Variants in RNF213 observed in about 807,000 individuals in gnomAD.
RNF213 encodes the protein E3 ubiquitin-protein ligase RNF213.
In RNF213, 341 loss-of-function variants were observed where a neutral mutation model predicts 514.4. That is an observed-to-expected ratio of 0.66 (90% CI 0.61 to 0.73). RNF213 has a LOEUF of 0.73. Ranked by LOEUF, RNF213 falls within the 30% of genes least tolerant of loss-of-function variation. The probability of loss-of-function intolerance (pLI) is 0.00; values close to 1 mark genes in which losing one functional copy is unlikely to be tolerated. For synonymous variants in RNF213, 2,655 were observed against 2,658.2 expected (o/e 1.00, Z 0.04); for missense variants, 5,767 against 6,615.6 (o/e 0.87, Z 4.45).
chr17:80,322,502 T>A (rs1335280677), intron 17 of RNF213, among the ~76,000 whole-genome samples: 1 of 151,886 alleles, frequency 6.6e-6, no homozygotes, highest in Non-Finnish European at 1.5e-5. Context: ...CTTGAAGCCA[T>A]GAGGTGGAGG....
At chr17:80,274,955 GGT>G (rs1024457771) in intron 3 of RNF213, among the ~76,000 whole-genome samples, 2 of 80,300 alleles carry the variant, frequency 2.5e-5, no homozygotes, top group Admixed American at 1.2e-4. Flanking sequence ...GTGAGTGGGG[GGT>G]GTGTGTGTTG....
intron 64 of RNF213, 70 bp downstream of exon 64, chr17:80,388,759 G>A: frequency 1.7e-6 from 2 of 1,162,250 alleles, no homozygotes; most frequent in Non-Finnish European, 2.6e-6. Context: ...TCCGTGTTAG[G>A]CCTACTCCAG....
In RNF213 at chr17:80,327,996, A is replaced by T; in HGVS notation, c.3367+7A>T. On this transcript the variant is annotated splice_region_variant and intron_variant, in intron 19 of 67. Coordinates refer to ENST00000582970, the MANE Select transcript of RNF213 (RefSeq NM_001256071.3). ...CTTGACATCTGGCAACTGAGTAAGC[A>T]TCGAGTCGATACGCACTTCAGGCTC... 6.5e-7 allele frequency: 1 copy of T among 1,537,256 alleles called. No individual in the cohort carries two copies.
At chr17:80,267,319 T>C (rs2043641868) in intron 2 of RNF213, among the ~76,000 whole-genome samples, 1 of 152,014 alleles carries the variant, frequency 6.6e-6, no homozygotes, top group Admixed American at 6.6e-5. Flanking sequence ...CGTGTACCTG[T>C]AGTCCCAGCT....
rs1368250647 is a variant in RNF213, at chr17:80,383,726, A to C, written c.14120A>C (p.Lys4707Thr). The change falls in exon 59 of 68, where the codon AAG becomes ACG. Residue 4707 changes from lysine to threonine, a missense_variant. This residue lies in a region of RNF213 where 1,245 missense variants were observed against 1,339.0 expected (regional missense o/e 0.93). Coordinates refer to ENST00000582970, the MANE Select transcript of RNF213 (RefSeq NM_001256071.3). ...ATGAATAATCTCATCAGCCAAGATA[A>C]GCGTATCAGCTCTAACCCTGTGGCC... ...PTMNNLISQDKRISSNPVAKI... is the reference protein window; with the variant it reads ...PTMNNLISQDTRISSNPVAKI... 2 of 1,614,070 alleles carry C rather than the reference A, an allele frequency of 1.2e-6. No individual in the cohort carries two copies. The highest frequency in any genetic ancestry group is 1.7e-6 in the Non-Finnish European group (2 of 1,179,984).
At position 80,363,138 on chromosome 17, in the gene RNF213, C is replaced by G; in HGVS notation, c.11392C>G (p.Leu3798Val). Reference protein sequence around the residue: ...QMALWSCTRKLKAASEAPEEE... With the variant: ...QMALWSCTRKVKAASEAPEEE... Reference sequence around the variant, plus strand: ...GGCTCTGTGGTCCTGCACTAGGAAACTGAAAGCGGCGTCAGAAGCGCCCGA... The same window carrying G: ...GGCTCTGTGGTCCTGCACTAGGAAAGTGAAAGCGGCGTCAGAAGCGCCCGA... The change falls in exon 40 of 68, where the codon CTG (leucine) becomes GTG (valine). Residue 3798 changes from leucine (L) to valine (V), a missense_variant. Transcript: ENST00000582970. 1 of 1,614,238 alleles carries G rather than the reference C, an allele frequency of 6.2e-7. No individual in the cohort carries two copies. The highest frequency in any genetic ancestry group is 8.5e-7 in the Non-Finnish European group (1 of 1,180,034).
intron 3 of RNF213, among the ~76,000 whole-genome samples, chr17:80,281,241 A>C: frequency 1.4e-5 from 1 of 71,952 alleles, no homozygotes. Flanking sequence ...ACTCACACAC[A>C]CCTCAACACA....
Position 80,339,107 on chromosome 17 carries a change from C to A in RNF213, c.4834-94C>A, listed in dbSNP as rs115759653. On this transcript the variant is annotated intron_variant, in intron 25 of 67. Transcript: ENST00000582970. ...CATGCAGTGGGCCTGTGGACAGGGC[C>A]GTCTTTTGGCGGTAGGCCTGTGTGC... The A allele has an allele frequency of 5.8e-3, 6,179 of 1,071,894 alleles. 254 individuals are homozygous for A. In the African/African-American group the frequency reaches 0.084, roughly 15 times the overall value. 66.4% of individuals were successfully genotyped at this position (1,071,894 alleles called of 1,614,324 possible). A position where few individuals can be genotyped will look rare whatever the true frequency, so the allele number is the denominator to read the frequency against.
At chr17:80,392,722 TG>T (rs2144682709) in intron 67 of RNF213, among the ~76,000 whole-genome samples, 1 of 152,102 alleles carries the variant, frequency 6.6e-6, no homozygotes, top group East Asian at 1.9e-4. Flanking sequence ...CCCGAGTAGC[TG>T]GGATTACAGG....
intron 6 of RNF213, among the ~76,000 whole-genome samples, chr17:80,290,042 G>A (rs893624103): frequency 1.3e-5 from 2 of 152,216 alleles, no homozygotes; most frequent in Non-Finnish European, 2.9e-5. Context: ...TAGCCCCTGG[G>A]GTCCTGGAGC....
At chr17:80,337,059 C>T (rs2078006929) in intron 23 of RNF213, among the ~76,000 whole-genome samples, 1 of 152,166 alleles carries the variant, frequency 6.6e-6, no homozygotes, top group South Asian at 2.1e-4. Context: ...TATGGAAGGG[C>T]AGGTAAAGCT....
chr17:80,302,772 A>T (rs182554101), intron 11 of RNF213, among the ~76,000 whole-genome samples: 1 of 152,190 alleles, frequency 6.6e-6, no homozygotes, highest in East Asian at 1.9e-4. Flanking sequence ...ACATGAGAGG[A>T]TCGCTTGAGC....
intron 3 of RNF213, among the ~76,000 whole-genome samples, chr17:80,282,047 G>A (rs1418910195): frequency 4.6e-5 from 7 of 151,988 alleles, no homozygotes; most frequent in Admixed American, 3.9e-4. Flanking sequence ...AGTAGAGATG[G>A]GGTTTTGCCA....
chr17:80,372,336 CCT>C (rs1346945739), intron 47 of RNF213, among the ~76,000 whole-genome samples, 183 bp from the exon 48 acceptor site: 2 of 151,880 alleles, frequency 1.3e-5, no homozygotes, highest in Non-Finnish European at 2.9e-5. Context: ...TCACTTTTCC[CCT>C]CCTTCTTGTC....
At chr17:80,282,485 G>A (rs1021908529) in intron 3 of RNF213, among the ~76,000 whole-genome samples, 28 of 151,962 alleles carry the variant, frequency 1.8e-4, no homozygotes, top group African/African-American at 6.5e-4. Flanking sequence ...TGCAAGCTCC[G>A]CCTCCCAGGT....
chr17:80,380,491 A>G (rs2079947786), intron 55 of RNF213, among the ~76,000 whole-genome samples: 1 of 152,166 alleles, frequency 6.6e-6, no homozygotes, highest in Non-Finnish European at 1.5e-5. Flanking sequence ...CTGTCCTCCC[A>G]AACTCTAGCT....
At chr17:80,292,801 C>G (rs571667753) in intron 8 of RNF213, among the ~76,000 whole-genome samples, 1 of 152,148 alleles carries the variant, frequency 6.6e-6, no homozygotes, top group African/African-American at 2.4e-5. Context: ...CTCGCTCCCC[C>G]TCCCTGCACA....
chr17:80,316,973 C>T (rs910848448), intron 15 of RNF213, among the ~76,000 whole-genome samples: 3 of 152,220 alleles, frequency 2.0e-5, no homozygotes, highest in Non-Finnish European at 2.9e-5. Flanking sequence ...CCAGTAGTGG[C>T]CCCTGGTTGG....
chr17:80,359,111 A>G (rs891116648), intron 37 of RNF213, among the ~76,000 whole-genome samples: 1 of 152,020 alleles, frequency 6.6e-6, no homozygotes, highest in Non-Finnish European at 1.5e-5. Flanking sequence ...TCCCTGGTGG[A>G]GCGGCACAGC....
Sources: allele counts gnomAD v4.1 joint callset (sites outside exome capture counted in the v4.1 genomes callset), GRCh38; gene constraint gnomAD v4.1.1; regional missense constraint gnomAD v4.1.1; transcripts MANE v1.5; gene names NCBI Gene and HGNC (gene_info 2026-07-23, HGNC 2026-07-21).